PLPPR1: variants seen among roughly 807,000 people sequenced by gnomAD.
PLPPR1 encodes the protein phospholipid phosphatase-related protein type 1.
A neutral mutation model predicts 33.1 loss-of-function variants in PLPPR1; 10 were observed. That is an observed-to-expected ratio of 0.30 (90% confidence interval 0.19 to 0.51). The LOEUF (loss-of-function observed/expected upper bound fraction) is 0.51. PLPPR1 is among the 20% of genes least tolerant of loss of function. The probability of loss-of-function intolerance (pLI) is 0.97; values close to 1 mark genes in which losing one functional copy is unlikely to be tolerated. For missense variants in PLPPR1, 304 were observed against 408.1 expected (o/e 0.74, Z 2.20); for synonymous variants, 151 against 151.0 (o/e 1.00, Z 0.00).
chr9:101,211,981 A>G (rs1265148974), intron 2 of PLPPR1, among the ~76,000 whole-genome samples: 1 of 152,186 alleles, frequency 6.6e-6, no homozygotes, highest in African/African-American at 2.4e-5. Context: ...TGGTAAAGTT[A>G]GGGCTCAAAT....
At chr9:101,208,292 G>A (rs1047216263) in intron 2 of PLPPR1, among the ~76,000 whole-genome samples, 4 of 88,866 alleles carry the variant, frequency 4.5e-5, no homozygotes, top group African/African-American at 1.9e-4. Context: ...CTGAGAAGGT[G>A]TGGTTGTCAC....
At chr9:101,210,085 T>TA (rs977416344) in intron 2 of PLPPR1, among the ~76,000 whole-genome samples, 3 of 152,272 alleles carry the variant, frequency 2.0e-5, no homozygotes, top group Admixed American at 2.0e-4. Flanking sequence ...TACATTTTTT[T>TA]ATGTCCTGAT....
At chr9:101,087,399 A>G (rs1393767627) in intron 1 of PLPPR1, among the ~76,000 whole-genome samples, 4 of 152,144 alleles carry the variant, frequency 2.6e-5, no homozygotes, top group African/African-American at 9.7e-5. Context: ...TTTTTCTACT[A>G]AAAGTCTCCA....
chr9:101,160,407 G>T (rs1831757473), intron 1 of PLPPR1, among the ~76,000 whole-genome samples: 1 of 152,142 alleles, frequency 6.6e-6, no homozygotes, highest in South Asian at 2.1e-4. Context: ...GTGCCCATTT[G>T]TGCCTTTTGC....
intron 2 of PLPPR1, among the ~76,000 whole-genome samples, chr9:101,215,372 C>T (rs563720317): frequency 6.6e-6 from 1 of 152,066 alleles, no homozygotes; most frequent in Non-Finnish European, 1.5e-5. Context: ...CTCCGCCTCC[C>T]GGGTTCAAGG....
At chr9:101,055,903 T>C (rs1830273363) in intron 1 of PLPPR1, among the ~76,000 whole-genome samples, 4 of 152,200 alleles carry the variant, frequency 2.6e-5, no homozygotes, top group Admixed American at 1.3e-4. Context: ...ACTGTTTGCT[T>C]GGAATATATT....
chr9:101,248,188 A>T (rs1206807201), intron 2 of PLPPR1, among the ~76,000 whole-genome samples: 1 of 152,074 alleles, frequency 6.6e-6, no homozygotes, highest in Non-Finnish European at 1.5e-5. Context: ...GATCTTTCAC[A>T]CACTGAGTTC....
chr9:101,308,348 C>T (rs543297192), intron 4 of PLPPR1, among the ~76,000 whole-genome samples: 12 of 152,290 alleles, frequency 7.9e-5, no homozygotes, highest in African/African-American at 2.6e-4. Flanking sequence ...ATGAAGGCAA[C>T]TTCTAGAACA....
chr9:101,315,714 C>T lies in PLPPR1; in HGVS notation c.814-1651C>T, dbSNP rs941759487. 3.4e-4 allele frequency among the ~76,000 whole-genome samples: 51 copies of T among 152,136 alleles called. 1 individual carries two copies. On this transcript the variant is annotated intron_variant, in intron 6 of 7. Coordinates refer to ENST00000374874, the MANE Select transcript of PLPPR1 (RefSeq NM_207299.2). ...CACCCTGTTGGCACATGCATGTGAA[C>T]ACACCTCACAGACACACACAAAGCT... is the stretch of plus-strand genomic sequence containing the variant.
chr9:101,140,002 G>T (rs1831428784), intron 1 of PLPPR1, among the ~76,000 whole-genome samples: 1 of 152,104 alleles, frequency 6.6e-6, no homozygotes, highest in Non-Finnish European at 1.5e-5. Context: ...GGAACAAGTG[G>T]AATAAGCATC....
intron 1 of PLPPR1, among the ~76,000 whole-genome samples, chr9:101,153,365 C>T (rs1831622734): frequency 6.6e-6 from 1 of 152,216 alleles, no homozygotes; most frequent in South Asian, 2.1e-4. Flanking sequence ...TTCCTCTTTT[C>T]CTAATTGAAT....
chr9:101,194,798 G>GT (rs1289917424), intron 2 of PLPPR1, among the ~76,000 whole-genome samples: 12 of 151,646 alleles, frequency 7.9e-5, no homozygotes, highest in Admixed American at 5.9e-4. Flanking sequence ...ATTACATGTA[G>GT]TTTTTTAAAT....
chr9:101,143,912 C>T (rs549557671), intron 1 of PLPPR1, among the ~76,000 whole-genome samples: 72 of 152,272 alleles, frequency 4.7e-4, no homozygotes, highest in Admixed American at 7.8e-4. Flanking sequence ...ACATTTGACC[C>T]AGCCATCTCA....
intron 2 of PLPPR1, among the ~76,000 whole-genome samples, chr9:101,203,743 C>CTATATATATAGATATGTTATATATCTATA (rs1826537296): frequency 4.0e-5 from 6 of 151,216 alleles, no homozygotes; most frequent in Admixed American, 6.6e-5. Flanking sequence ...ATATATCTAT[C>CTATATATATAGATATGTTATATATCTATA]TATATATATA....
At chr9:101,269,070 A>G (rs139337919) in intron 2 of PLPPR1, among the ~76,000 whole-genome samples, 6 of 152,302 alleles carry the variant, frequency 3.9e-5, no homozygotes, top group Admixed American at 2.0e-4. Flanking sequence ...TGATTTCCAA[A>G]TATGAATGGA....
chr9:101,180,133 T>C (rs1231491039), intron 1 of PLPPR1, among the ~76,000 whole-genome samples: 4 of 39,672 alleles, frequency 1.0e-4, no homozygotes, highest in African/African-American at 5.5e-4. Flanking sequence ...TATATATATA[T>C]ATATATATAT....
Position 101,246,119 on chromosome 9 carries a change from G to T in PLPPR1, c.64-23761G>T, listed in dbSNP as rs528339726. Among the ~76,000 whole-genome samples the T allele has an allele frequency of 6.4e-4, 77 of 119,592 alleles. 1 individual carries two copies. The South Asian group carries it at 8.9e-3, about 14-fold the overall frequency. 78.5% of individuals were successfully genotyped at this position (119,592 alleles called of 152,430 possible). ...ATATATATATATATATAGATAGATA[G>T]ATAGATTTGTATAAGCACTGAAATC... On this transcript the variant is annotated intron_variant, in intron 2 of 7. Transcript: ENST00000374874.
chr9:101,304,110 G>A (rs1828801865), intron 4 of PLPPR1, among the ~76,000 whole-genome samples: 1 of 152,086 alleles, frequency 6.6e-6, no homozygotes, highest in Non-Finnish European at 1.5e-5. Context: ...CAATTCATGA[G>A]ACACTTATAA....
chr9:101,095,251 A>C (rs1255209673), intron 1 of PLPPR1, among the ~76,000 whole-genome samples: 1 of 137,078 alleles, frequency 7.3e-6, no homozygotes, highest in Non-Finnish European at 1.6e-5. Context: ...ATCTGAGATA[A>C]CTGGGACTTC....
Sources: gnomAD v4.1 joint callset for allele counts (sites outside exome capture counted in the v4.1 genomes callset) on GRCh38, gnomAD v4.1.1 for gene constraint, MANE v1.5 for transcripts, NCBI Gene and HGNC (gene_info 2026-07-23, HGNC 2026-07-21) for gene names.